Variants in PCDHGB2 observed in about 807,000 individuals in gnomAD.
The protein encoded by PCDHGB2 is protocadherin gamma subfamily B, 2.
A neutral mutation model predicts 59.3 loss-of-function variants in PCDHGB2; 55 were observed. That is an observed-to-expected ratio of 0.93 (90% CI 0.75 to 1.16). The LOEUF (loss-of-function observed/expected upper bound fraction) is 1.16. Among genes scored for constraint, PCDHGB2 ranks in the 50% most tolerant of loss-of-function variants. The probability of loss-of-function intolerance (pLI) is 0.00; values close to 1 mark genes in which losing one functional copy is unlikely to be tolerated. For synonymous variants in PCDHGB2, 516 were observed against 512.0 expected (o/e 1.01, Z -0.11); for missense variants, 1,228 against 1,198.5 (o/e 1.02, Z -0.36).
rs966291038 is a variant in PCDHGB2, at chr5:141,487,740, G to A, written c.2422-7067G>A. 4 of 1,562,290 alleles carry A rather than the reference G, an allele frequency of 2.6e-6. No individual in the cohort carries two copies. The highest frequency in any genetic ancestry group is 1.7e-6 in the Non-Finnish European group (2 of 1,151,972). On this transcript the variant is annotated intron_variant, in intron 1 of 3. Transcript: ENST00000522605. The surrounding 1 kb of genome is among the most constrained non-coding windows in gnomAD (Gnocchi z 5.0). ...CATAGTGATGTCACCATTTTTGTAAGAGGTAACTATGTGGTAGACGCTGTG... is the reference window on the plus strand; with the variant it reads ...CATAGTGATGTCACCATTTTTGTAAAAGGTAACTATGTGGTAGACGCTGTG...
chr5:141,415,756 T>C, intron 1 of PCDHGB2: 2 of 1,387,344 alleles, frequency 1.4e-6, no homozygotes, highest in Non-Finnish European at 1.9e-6. Flanking sequence ...TTTTTTTTTT[T>C]TTTTTTTTTT....
chr5:141,399,830 C>G (rs1304936728), intron 1 of PCDHGB2: 1 of 1,613,192 alleles, frequency 6.2e-7, no homozygotes. Flanking sequence ...CCCGACGGCT[C>G]TGCGCTCTTC....
At position 141,494,826 on chromosome 5, in the gene PCDHGB2, A is replaced by C; in HGVS notation, c.2441A>C (p.Asp814Ala). The change falls in exon 2 of 4, where the codon GAC becomes GCC. Residue 814 changes from aspartate to alanine, a missense_variant. Asp to Ala is a moderately radical substitution (Grantham distance 126, BLOSUM62 -2). Transcript: ENST00000522605. The part of the protein sequence containing the change: ...TILKQAPPNT[D>A]WRFSQAQRPG... ...CCACAGCAAGCCCCGCCCAACACGGACTGGCGTTTCTCTCAGGCCCAGAGA... is the reference window on the plus strand; with the variant it reads ...CCACAGCAAGCCCCGCCCAACACGGCCTGGCGTTTCTCTCAGGCCCAGAGA... 4 of 1,613,960 alleles carry C rather than the reference A, an allele frequency of 2.5e-6. No individual in the cohort carries two copies. Among genetic ancestry groups the C allele is most frequent in the Non-Finnish European group, 3.4e-6 (4 of 1,179,976 alleles).
At chr5:141,434,980 CTA>C in intron 1 of PCDHGB2, among the ~76,000 whole-genome samples, 1 of 151,954 alleles carries the variant, frequency 6.6e-6, no homozygotes, top group East Asian at 1.9e-4. Flanking sequence ...TGTTAATACT[CTA>C]TATCATTTTC....
rs778953840 is a variant in PCDHGB2 at position 141,361,354 on chromosome 5, G to A, written c.1219G>A (p.Asp407Asn). The A allele has an allele frequency of 6.8e-6, 11 of 1,613,990 alleles. No individual in the cohort carries two copies. The highest frequency in any genetic ancestry group is 2.7e-5 in the African/African-American group (2 of 75,054). ...SSKNYYKLVTDGALDREEIPE... is the reference protein window; with the variant it reads ...SSKNYYKLVTNGALDREEIPE... Reference sequence around the variant, plus strand: ...AAAGAACTATTACAAACTAGTGACAGACGGCGCTCTGGACCGGGAGGAGAT... The same window carrying A: ...AAAGAACTATTACAAACTAGTGACAAACGGCGCTCTGGACCGGGAGGAGAT... Residue 407 changes from aspartate to asparagine, a missense_variant, in exon 1 of 4, where the codon GAC becomes AAC. This residue lies in a region of PCDHGB2 where 781 missense variants were observed against 721.6 expected (regional missense o/e 1.08). Coordinates refer to ENST00000522605, the MANE Select transcript of PCDHGB2 (RefSeq NM_018923.3).
Position 141,485,813 on chromosome 5 carries a change from G to A in PCDHGB2, c.2422-8994G>A. The A allele has an allele frequency of 1.9e-6, 3 of 1,614,078 alleles. No individual in the cohort carries two copies. Among genetic ancestry groups the A allele is most frequent in the Non-Finnish European group, 2.5e-6 (3 of 1,180,008 alleles). On this transcript the variant is annotated intron_variant, in intron 1 of 3. Coordinates refer to ENST00000522605, the MANE Select transcript of PCDHGB2 (RefSeq NM_018923.3). This position sits in a 1 kb window ranked among gnomAD's most constrained non-coding sequence, Gnocchi z 5.7. ...ATCGGACTACCGCCTGGTGCTGACT[G>A]CTGTCGATGGAGGGAACCCGCCGAG... is the stretch of plus-strand genomic sequence containing the variant.
chr5:141,476,078 C>G lies in PCDHGB2; in HGVS notation c.2422-18729C>G. On this transcript the variant is annotated intron_variant, in intron 1 of 3. Transcript: ENST00000522605. The surrounding 1 kb of genome is among the most constrained non-coding windows in gnomAD (Gnocchi z 7.6). ...AAGTTTCTCAGCGAAATCTCAGGGA[C>G]GATCTGGACCCCGCTGAGAGGAACT... is the stretch of plus-strand genomic sequence containing the variant. 1 of 1,528,034 alleles carries G rather than the reference C, an allele frequency of 6.5e-7. No homozygotes were observed. 94.7% of individuals were successfully genotyped at this position (1,528,034 alleles called of 1,614,324 possible).
Position 141,489,595 on chromosome 5 carries a change from G to A in PCDHGB2, c.2422-5212G>A. The A allele has an allele frequency of 1.2e-6, 2 of 1,614,132 alleles. No individual in the cohort carries two copies. Among genetic ancestry groups the A allele is most frequent in the Non-Finnish European group, 1.7e-6 (2 of 1,180,004 alleles). On this transcript the variant is annotated intron_variant, in intron 1 of 3. Coordinates refer to ENST00000522605, the MANE Select transcript of PCDHGB2 (RefSeq NM_018923.3). The surrounding 1 kb of genome is among the most constrained non-coding windows in gnomAD (Gnocchi z 4.5). Reference sequence around the variant, plus strand: ...TGAACACCCCCTGGAGCTAATCCGTGTAGAGGTAGAGATCCTGGATCTCAA... The same window carrying A: ...TGAACACCCCCTGGAGCTAATCCGTATAGAGGTAGAGATCCTGGATCTCAA...
chr5:141,433,262 T>C (rs2097580507), intron 1 of PCDHGB2: 1 of 1,339,318 alleles, frequency 7.5e-7, no homozygotes, highest in Non-Finnish European at 1.0e-6. Context: ...GGTACGATCA[T>C]AGCTCACTGC....
At chr5:141,417,423 C>T (rs1252792899) in intron 1 of PCDHGB2, 1 of 159,686 alleles carries the variant, frequency 6.3e-6, no homozygotes, top group African/African-American at 2.4e-5. Context: ...TATGTAAATT[C>T]AGTAAATAAA....
intron 1 of PCDHGB2, chr5:141,415,740 G>GTTTTTTTT (rs57426385): frequency 1.3e-4 from 79 of 625,006 alleles, no homozygotes; most frequent in African/African-American, 1.8e-4. Flanking sequence ...GTTTATTAAG[G>GTTTTTTTT]TTTTTTTTTT....
chr5:141,490,611 G>A lies in PCDHGB2; in HGVS notation c.2422-4196G>A, dbSNP rs1442281165. 1 of 1,614,052 alleles carries A rather than the reference G, an allele frequency of 6.2e-7. No homozygotes were observed. The highest frequency in any genetic ancestry group is 1.3e-5 in the African/African-American group (1 of 74,914). On this transcript the variant is annotated intron_variant, in intron 1 of 3. Coordinates refer to ENST00000522605, the MANE Select transcript of PCDHGB2 (RefSeq NM_018923.3). This position sits in a 1 kb window ranked among gnomAD's most constrained non-coding sequence, Gnocchi z 5.4. ...ACAATGCACCCCGCTTCAACCAGCA[G>A]CTTTACACTGCTTACATCCTAGAAA...
chr5:141,372,826 C>T lies in PCDHGB2; in HGVS notation c.2421+10270C>T, dbSNP rs376912168. 327 of 1,554,742 alleles carry T rather than the reference C, an allele frequency of 2.1e-4. 8 individuals are homozygous for T. The South Asian group carries it at 3.7e-3, about 18-fold the overall frequency. ...TTGCAAAAGGTGAGTTTCTTCAAAC[C>T]TTTCCTTCCATAAATATAATTGGGT... is the stretch of plus-strand genomic sequence containing the variant. On this transcript the variant is annotated intron_variant, in intron 1 of 3. Coordinates refer to ENST00000522605, the MANE Select transcript of PCDHGB2 (RefSeq NM_018923.3).
At chr5:141,371,382 T>A (rs774974302) in intron 1 of PCDHGB2, 1 of 1,613,888 alleles carries the variant, frequency 6.2e-7, no homozygotes, top group Non-Finnish European at 8.5e-7. Flanking sequence ...TCACACTGCA[T>A]ATTGTAAAGT....
intron 1 of PCDHGB2, among the ~76,000 whole-genome samples, chr5:141,448,985 A>G (rs2098621528): frequency 6.6e-6 from 1 of 152,026 alleles, no homozygotes; most frequent in South Asian, 2.1e-4. Context: ...TTCCATATTA[A>G]TATATAGAAA....
chr5:141,384,523 C>T, intron 1 of PCDHGB2: 3 of 1,614,256 alleles, frequency 1.9e-6, no homozygotes, highest in South Asian at 1.1e-5. Context: ...GGACCCGCCT[C>T]TCAGCAGCAA....
At position 141,389,550 on chromosome 5, in the gene PCDHGB2, A is replaced by T. The variant is rs767434946; in HGVS notation, c.2421+26994A>T. The T allele has an allele frequency of 3.7e-6, 6 of 1,613,098 alleles. No individual in the cohort carries two copies. The African/African-American group carries it at 4.0e-5, about 11-fold the overall frequency. On this transcript the variant is annotated intron_variant, in intron 1 of 3. Transcript: ENST00000522605. ...CGTGTTAGTGGACGACCGCAACGAC[A>T]ATGCGCCACGGGTGCTGTACCCCGC...
chr5:141,500,184 TTTTA>T (rs58019021), intron 2 of PCDHGB2, among the ~76,000 whole-genome samples: 6,359 of 135,894 alleles, frequency 0.047, 285 homozygotes, highest in African/African-American at 0.12. Context: ...TCATTTTTAT[TTTTA>T]TTTATTTATT....
At chr5:141,467,110 T>C (rs2099137137) in intron 1 of PCDHGB2, among the ~76,000 whole-genome samples, 1 of 151,604 alleles carries the variant, frequency 6.6e-6, no homozygotes, top group Non-Finnish European at 1.5e-5. Context: ...TGGAGTACAA[T>C]GGTGCAATCT....
Sources: gnomAD v4.1 joint callset for allele counts (sites outside exome capture counted in the v4.1 genomes callset) on GRCh38, gnomAD v4.1.1 for gene constraint, gnomAD v4.1.1 regional missense constraint, Gnocchi (gnomAD v3.1) non-coding constraint, MANE v1.5 for transcripts, NCBI Gene and HGNC (gene_info 2026-07-23, HGNC 2026-07-21) for gene names.